Variants in C3orf20 observed in about 807,000 individuals in gnomAD.
C3orf20 encodes family with sequence similarity 149 member C.
A neutral mutation model predicts 88.3 loss-of-function variants in C3orf20; 76 were observed. The ratio of observed to expected loss-of-function variants is 0.86; its 90% CI spans 0.72 to 1.04. The LOEUF (loss-of-function observed/expected upper bound fraction) is 1.04. C3orf20 is among the 50% of genes least tolerant of loss of function. The probability of loss-of-function intolerance (pLI) is 0.00; values close to 1 mark genes in which losing one functional copy is unlikely to be tolerated. For synonymous variants in C3orf20, 436 were observed against 437.4 expected (o/e 1.00, Z 0.04); for missense variants, 1,056 against 1,123.3 (o/e 0.94, Z 0.86).
chr3:14,704,555 G>A lies in C3orf20; in HGVS notation c.1097G>A (p.Gly366Glu), dbSNP rs776476919. 1.7e-5 allele frequency: 28 copies of A among 1,613,944 alleles called. No individual in the cohort carries two copies. In the Admixed American group the frequency reaches 3.5e-4, roughly 20 times the overall value. Residue 366 changes from glycine to glutamate, a missense_variant, in exon 7 of 17, where the codon GGG (glycine) becomes GAG (glutamate). Physicochemically the swap from Gly to Glu is moderately conservative, Grantham distance 98. Transcript: ENST00000253697. ...CATTTCAGTCAGCATTGTCAAGAGG[G>A]GAAGGCACCCAAGAAGGCCTTCAAG... The part of the protein sequence containing the change: ...NHHFSQHCQE[G>E]KAPKKAFKFH...
At chr3:14,745,629 A>G (rs1006516237) in intron 12 of C3orf20, among the ~76,000 whole-genome samples, 3 of 152,242 alleles carry the variant, frequency 2.0e-5, no homozygotes, top group Non-Finnish European at 4.4e-5. Flanking sequence ...CTGTAAATAA[A>G]TTCCTAAAGA....
chr3:14,758,781 C>A (rs2035467296), intron 13 of C3orf20, among the ~76,000 whole-genome samples: 1 of 152,146 alleles, frequency 6.6e-6, no homozygotes, highest in South Asian at 2.1e-4. Context: ...CACCAGTAGC[C>A]CTTTGACCAT....
chr3:14,715,247 C>A, intron 8 of C3orf20, 42 bp from the exon 9 acceptor site: 1 of 1,597,340 alleles, frequency 6.3e-7, no homozygotes, highest in South Asian at 1.1e-5. Context: ...GAGCTTCCTT[C>A]AGGGGCCCGG....
intron 1 of C3orf20, among the ~76,000 whole-genome samples, chr3:14,679,612 T>C (rs2031975197): frequency 6.6e-6 from 1 of 152,016 alleles, no homozygotes; most frequent in South Asian, 2.1e-4. Flanking sequence ...ATCTTATCCA[T>C]TTCAGGCAAG....
At chr3:14,694,875 C>T (rs2124916536) in intron 5 of C3orf20, among the ~76,000 whole-genome samples, 1 of 152,152 alleles carries the variant, frequency 6.6e-6, no homozygotes, top group African/African-American at 2.4e-5. Flanking sequence ...ACTGCAACCT[C>T]CACCTCCCGA....
At chr3:14,732,654 T>C (rs2034575795) in intron 12 of C3orf20, among the ~76,000 whole-genome samples, 1 of 152,184 alleles carries the variant, frequency 6.6e-6, no homozygotes, top group South Asian at 2.1e-4. Context: ...GCTACTGCCA[T>C]CTCGTGAGTT....
chr3:14,706,791 G>C lies in C3orf20; in HGVS notation c.1160+2173G>C, dbSNP rs78396847. Among the ~76,000 whole-genome samples, 327 of 152,076 alleles carry C rather than the reference G, an allele frequency of 2.2e-3. 1 individual carries two copies. Among genetic ancestry groups the C allele is most frequent in the African/African-American group, 7.5e-3 (313 of 41,476 alleles). On this transcript the variant is annotated intron_variant, in intron 7 of 16. Transcript: ENST00000253697. ...TCAGTAATCTTAAAGGAGAAATTCT[G>C]TTACTGTGTTCAAATGGTCAGAACA...
intron 12 of C3orf20, among the ~76,000 whole-genome samples, chr3:14,753,418 C>T (rs1030521329): frequency 2.0e-5 from 3 of 152,206 alleles, no homozygotes; most frequent in African/African-American, 7.2e-5. Flanking sequence ...AGCAAACCAA[C>T]ATGGCACATG....
chr3:14,717,960 G>T (rs2034000804), intron 9 of C3orf20, among the ~76,000 whole-genome samples: 1 of 152,048 alleles, frequency 6.6e-6, no homozygotes, highest in African/African-American at 2.4e-5. Flanking sequence ...TTACCTGCTT[G>T]CAAGATTTTC....
chr3:14,678,260 C>T (rs1402677977), intron 1 of C3orf20, among the ~76,000 whole-genome samples: 1 of 152,256 alleles, frequency 6.6e-6, no homozygotes, highest in Non-Finnish European at 1.5e-5. Flanking sequence ...CACTAATCCT[C>T]ACAGTCCTTG....
chr3:14,759,922 A>G lies in C3orf20; in HGVS notation c.2276A>G (p.Tyr759Cys), dbSNP rs770358493. ...CRYDSYRLLQ[Y>C]DLDSPLQEDP... is the part of the protein sequence containing the mutation. ...TATGACTCCTACCGCCTGCTGCAGT[A>G]TGACCTGGACAGCCCCCTGCAGGAG... The change falls in exon 14 of 17, where the codon TAT becomes TGT. Residue 759 changes from tyrosine (Y) to cysteine (C), a missense_variant. Transcript: ENST00000253697. 1.7e-5 allele frequency: 27 copies of G among 1,614,008 alleles called. No homozygotes were observed. The highest frequency in any genetic ancestry group is 2.1e-5 in the Non-Finnish European group (25 of 1,179,998).
chr3:14,756,605 C>T (rs1237368234), intron 12 of C3orf20, among the ~76,000 whole-genome samples: 2 of 152,058 alleles, frequency 1.3e-5, no homozygotes, highest in African/African-American at 2.4e-5. Flanking sequence ...AAGAAGGTAA[C>T]GTTTGGACAG....
chr3:14,760,087 G>T, intron 14 of C3orf20, 89 bp downstream of exon 14: 1 of 986,682 alleles, frequency 1.0e-6, no homozygotes, highest in South Asian at 1.3e-5. Context: ...GGGAGGAGGA[G>T]GAGAGAGGAG....
Position 14,761,465 on chromosome 3 carries a change from G to C in C3orf20, c.2353-8G>C. 2 of 1,614,008 alleles carry C rather than the reference G, an allele frequency of 1.2e-6. No homozygotes were observed. Among genetic ancestry groups the C allele is most frequent in the Non-Finnish European group, 1.7e-6 (2 of 1,180,012 alleles). On this transcript the variant is annotated splice_polypyrimidine_tract_variant and splice_region_variant and intron_variant, in intron 14 of 16. Coordinates refer to ENST00000253697, the MANE Select transcript of C3orf20 (RefSeq NM_032137.5). The stretch of plus-strand genomic sequence containing the variant: ...GAGGATCTCTCCTCATTTCCTTCCT[G>C]TCAACAGATGTTTGCCGGGGGGAAG...
At position 14,730,343 on chromosome 3, in the gene C3orf20, A is replaced by G. The variant is rs572657406; in HGVS notation, c.1940+1655A>G. ...CGGGCAGATCACGAGGTTGGGAGAT[A>G]GAGACCATCCTGGCTAACATGGTGA... On this transcript the variant is annotated intron_variant, in intron 12 of 16. Transcript: ENST00000253697. 1.6e-3 allele frequency among the ~76,000 whole-genome samples: 246 copies of G among 152,194 alleles called. 1 individual carries two copies. The highest frequency in any genetic ancestry group is 2.9e-3 in the Non-Finnish European group (196 of 67,992).
intron 5 of C3orf20, among the ~76,000 whole-genome samples, chr3:14,692,408 G>C (rs1297147936): frequency 6.6e-6 from 1 of 152,160 alleles, no homozygotes; most frequent in African/African-American, 2.4e-5. Flanking sequence ...ACCAGCATTT[G>C]TTGTTGCCTG....
rs2125051303 is a variant in C3orf20, at chr3:14,772,971, C to A, written c.*96C>A. Reference sequence around the variant, plus strand: ...CTGCCTCCCCGGTCTCCCACCCTGTCCTCCAAGCTTCTATAATAAACCAGC... The same window carrying A: ...CTGCCTCCCCGGTCTCCCACCCTGTACTCCAAGCTTCTATAATAAACCAGC... On this transcript the variant is annotated 3_prime_UTR_variant, in exon 17 of 17. Transcript: ENST00000253697. This position sits in a 1 kb window ranked among gnomAD's most constrained non-coding sequence, Gnocchi z 4.2. 2.2e-6 allele frequency: 2 copies of A among 896,314 alleles called. No individual in the cohort carries two copies. The highest frequency in any genetic ancestry group is 3.7e-6 in the Non-Finnish European group (2 of 544,882). 55.5% of individuals were successfully genotyped at this position (896,314 alleles called of 1,614,324 possible).
intron 12 of C3orf20, among the ~76,000 whole-genome samples, chr3:14,752,672 G>T (rs922934291): frequency 4.6e-5 from 7 of 152,128 alleles, no homozygotes; most frequent in African/African-American, 1.7e-4. Flanking sequence ...CAAAAAGTGG[G>T]CAAAGGATAT....
chr3:14,772,768 C>T lies in C3orf20; in HGVS notation c.2631-23C>T, dbSNP rs146173243. The T allele has an allele frequency of 3.9e-4, 627 of 1,599,226 alleles. 1 individual carries two copies. In the African/African-American group the frequency reaches 7.1e-3, roughly 18 times the overall value. On this transcript the variant is annotated intron_variant, in intron 16 of 16. Coordinates refer to ENST00000253697, the MANE Select transcript of C3orf20 (RefSeq NM_032137.5). The surrounding 1 kb of genome is among the most constrained non-coding windows in gnomAD (Gnocchi z 4.2). ...TGTGAAGAACAGCCCTTCCGCCTCC[C>T]GGCCCTCTATTTTGATCTTTAGGAC...
Sources: gnomAD v4.1 joint callset for allele counts (sites outside exome capture counted in the v4.1 genomes callset) on GRCh38, gnomAD v4.1.1 for gene constraint, Gnocchi (gnomAD v3.1) non-coding constraint, MANE v1.5 for transcripts, NCBI Gene and HGNC (gene_info 2026-07-23, HGNC 2026-07-21) for gene names.